Variants in TAOK1 observed in about 807,000 individuals in gnomAD.
TAOK1 encodes TAO kinase 1, also known as serine/threonine-protein kinase TAO1.
In TAOK1, 21 loss-of-function variants were observed where a neutral mutation model predicts 138.3. That is an observed-to-expected ratio of 0.15 (90% CI 0.11 to 0.22). The LOEUF is 0.22. Ranked by LOEUF, TAOK1 falls within the 10% of genes least tolerant of loss-of-function variation. The probability of loss-of-function intolerance (pLI) is 1.00; values close to 1 mark genes in which losing one functional copy is unlikely to be tolerated. For missense variants in TAOK1, 651 were observed against 1,227.7 expected, an observed-to-expected ratio of 0.53 and a Z score of 7.02; for synonymous variants, 361 against 398.4, an observed-to-expected ratio of 0.91 and a Z score of 1.12.
At chr17:29,531,684 A>AC (rs1467313770) in intron 18 of TAOK1, among the ~76,000 whole-genome samples, 2 of 140,434 alleles carry the variant, frequency 1.4e-5, no homozygotes, top group East Asian at 2.2e-4. Flanking sequence ...AATCACCTGA[A>AC]CCCCGGGGGC....
intron 2 of TAOK1, among the ~76,000 whole-genome samples, chr17:29,457,089 C>CTTTTTTTTTTTTTTTTTTTTTTTTTTTCT (rs548221652): frequency 1.9e-5 from 2 of 107,410 alleles, no homozygotes; most frequent in Non-Finnish European, 3.7e-5. Flanking sequence ...TTTTCTTTTT[C>CTTTTTTTTTTTTTTTTTTTTTTTTTTTCT]TTTTTTTTTT....
intron 10 of TAOK1, 38 bp from the exon 11 acceptor site, chr17:29,495,522 G>GA (rs534191598): frequency 5.0e-4 from 741 of 1,495,226 alleles, no homozygotes; most frequent in South Asian, 2.1e-3. Context: ...GTCACTAATT[G>GA]AAAAAAAAAT....
intron 13 of TAOK1, among the ~76,000 whole-genome samples, chr17:29,504,963 C>G (rs2031605339): frequency 6.6e-6 from 1 of 152,142 alleles, no homozygotes; most frequent in Non-Finnish European, 1.5e-5. Context: ...AGGAAAACCT[C>G]TTGGTAACTT....
Position 29,433,574 on chromosome 17 carries a change from G to T in TAOK1, c.-94-17881G>T, listed in dbSNP as rs373045602. 3.3e-5 allele frequency among the ~76,000 whole-genome samples: 5 copies of T among 152,134 alleles called. 1 individual carries two copies. Among genetic ancestry groups the T allele is most frequent in the Admixed American group, 2.6e-4 (4 of 15,258 alleles). On this transcript the variant is annotated intron_variant, in intron 1 of 19. Coordinates refer to ENST00000261716, the MANE Select transcript of TAOK1 (RefSeq NM_020791.4). ...CAGGCTTGCAGACAGTTTAAAGGGT[G>T]AGTAAAGCAGAGGGTTTTATTGGGT...
chr17:29,395,499 A>G (rs1250026960), intron 1 of TAOK1, among the ~76,000 whole-genome samples: 3 of 152,282 alleles, frequency 2.0e-5, no homozygotes, highest in Admixed American at 1.3e-4. Context: ...CCACTGCCTG[A>G]CAGCCTGGGC....
intron 8 of TAOK1, among the ~76,000 whole-genome samples, chr17:29,488,349 T>A (rs2031215865): frequency 6.6e-6 from 1 of 152,134 alleles, no homozygotes; most frequent in East Asian, 1.9e-4. Context: ...GACGGGTAGA[T>A]CACCTGAGGT....
At chr17:29,391,534 A>G (rs894166907) in intron 1 of TAOK1, among the ~76,000 whole-genome samples, 2 of 152,196 alleles carry the variant, frequency 1.3e-5, no homozygotes, top group South Asian at 4.1e-4. Context: ...GTCTACTGCA[A>G]TGCTGCAGAA....
At chr17:29,541,092 A>C (rs1462361696) in intron 19 of TAOK1, among the ~76,000 whole-genome samples, 3 of 93,348 alleles carry the variant, frequency 3.2e-5, no homozygotes, top group Non-Finnish European at 6.4e-5. Flanking sequence ...TTCCCATGAA[A>C]AAAATTTTTG....
chr17:29,391,338 C>G (rs1904419739), intron 1 of TAOK1, among the ~76,000 whole-genome samples: 1 of 152,080 alleles, frequency 6.6e-6, no homozygotes, highest in African/African-American at 2.4e-5. Context: ...CGCGAGGTCC[C>G]CTTCCCCTCT....
intron 17 of TAOK1, among the ~76,000 whole-genome samples, chr17:29,523,675 C>T (rs982771117): frequency 5.3e-5 from 8 of 152,118 alleles, no homozygotes; most frequent in Admixed American, 1.3e-4. Context: ...CATGAACCAC[C>T]GCACCTGGCC....
At chr17:29,477,096 C>T (rs1339890417) in intron 4 of TAOK1, among the ~76,000 whole-genome samples, 3 of 152,072 alleles carry the variant, frequency 2.0e-5, no homozygotes, top group Non-Finnish European at 4.4e-5. Flanking sequence ...CTGCCTGCCT[C>T]GGCCTCCCAA....
chr17:29,477,654 C>A lies in TAOK1; in HGVS notation c.307-7C>A. 1 of 1,364,056 alleles carries A rather than the reference C, an allele frequency of 7.3e-7. No homozygotes were observed. Among genetic ancestry groups the A allele is most frequent in the South Asian group, 2.2e-5 (1 of 45,110 alleles). The allele number at this position is 1,364,056 out of a possible 1,614,324, so 84.5% of individuals were successfully genotyped here. A position where few individuals can be genotyped will look rare whatever the true frequency, so the allele number is the denominator to read the frequency against. On this transcript the variant is annotated splice_polypyrimidine_tract_variant and splice_region_variant and intron_variant, in intron 4 of 19. Transcript: ENST00000261716. ...TATTTTAATGCTTTTATAACTTTTC[C>A]ATGTAGCTTGTAATGGAATATTGTT...
chr17:29,394,958 A>C (rs1028776146), intron 1 of TAOK1, among the ~76,000 whole-genome samples: 1 of 151,402 alleles, frequency 6.6e-6, no homozygotes, highest in Non-Finnish European at 1.5e-5. Context: ...TTTAATTAGC[A>C]TGGGCTAGGC....
intron 8 of TAOK1, among the ~76,000 whole-genome samples, chr17:29,483,339 C>T (rs561698157): frequency 6.6e-6 from 1 of 152,016 alleles, no homozygotes; most frequent in South Asian, 2.1e-4. Context: ...CAGCCTCCCG[C>T]AGTGGGGGGA....
At chr17:29,523,500 G>A (rs967172831) in intron 17 of TAOK1, among the ~76,000 whole-genome samples, 1 of 152,152 alleles carries the variant, frequency 6.6e-6, no homozygotes, top group African/African-American at 2.4e-5. Context: ...CCATTCTCCT[G>A]CCTCAGCCTC....
At chr17:29,535,154 T>C (rs1035075860) in intron 19 of TAOK1, among the ~76,000 whole-genome samples, 5 of 151,264 alleles carry the variant, frequency 3.3e-5, no homozygotes, top group Middle Eastern at 3.4e-3. Context: ...TCTACAAATA[T>C]TTAAAAATTA....
At chr17:29,530,037 A>G (rs1177781698) in intron 17 of TAOK1, among the ~76,000 whole-genome samples, 1 of 151,914 alleles carries the variant, frequency 6.6e-6, no homozygotes, top group Non-Finnish European at 1.5e-5. Flanking sequence ...AAAAAAAAAA[A>G]GAAAAAGAAA....
intron 19 of TAOK1, among the ~76,000 whole-genome samples, chr17:29,538,967 A>T (rs1430232561): frequency 2.0e-5 from 3 of 152,186 alleles, no homozygotes; most frequent in Non-Finnish European, 4.4e-5. Flanking sequence ...AGTAAGAATT[A>T]AAATTTGGGG....
rs2032477592 is a variant in TAOK1 at position 29,550,733 on chromosome 17, A to ATT, written c.*7713_*7714dup. On this transcript the variant is annotated 3_prime_UTR_variant, in exon 20 of 20. Transcript: ENST00000261716. ...CTACTTTTACCAGTCACCCAAACAT[A>ATT]TTTATGTTTTTAGTTTTATGTACTC... 1 of 152,138 alleles carries ATT rather than the reference A, an allele frequency of 6.6e-6. No individual in the cohort carries two copies. The highest frequency in any genetic ancestry group is 6.6e-5 in the Admixed American group (1 of 15,242). The allele number at this position is 152,138 out of a possible 1,614,324, so 9.4% of individuals were successfully genotyped here. A position where few individuals can be genotyped will look rare whatever the true frequency, so the allele number is the denominator to read the frequency against.
Sources: allele counts gnomAD v4.1 joint callset (sites outside exome capture counted in the v4.1 genomes callset), GRCh38; gene constraint gnomAD v4.1.1; transcripts MANE v1.5; gene names NCBI Gene and HGNC (gene_info 2026-07-23, HGNC 2026-07-21).